Variants in PTPN9 observed in about 807,000 individuals in gnomAD.
The protein encoded by PTPN9 is tyrosine-protein phosphatase non-receptor type 9.
PTPN9 carries 26 observed loss-of-function variants against 69.8 expected under a neutral mutation model. That is an observed-to-expected ratio of 0.37 (90% CI 0.27 to 0.52). The LOEUF is 0.52. PTPN9 is among the 20% of genes least tolerant of loss of function. The pLI, the probability that PTPN9 is intolerant of heterozygous loss-of-function variation, is 0.91. For synonymous variants in PTPN9, 274 were observed against 272.5 expected, an observed-to-expected ratio of 1.01 and a Z score of -0.05; for missense variants, 549 against 740.3, an observed-to-expected ratio of 0.74 and a Z score of 3.00.
At chr15:75,566,805 T>C (rs1004600914) in intron 1 of PTPN9, among the ~76,000 whole-genome samples, 6 of 151,748 alleles carry the variant, frequency 4.0e-5, no homozygotes, top group South Asian at 4.2e-4. Context: ...CTGGGCAACA[T>C]AGTGAGGTCC....
Position 75,485,354 on chromosome 15 carries a change from CTTTTTTTTTTTT to C in PTPN9, c.1062+4842_1062+4853del, listed in dbSNP as rs891447336. Reference sequence around the variant, plus strand: ...CATGCTTTGAAAAGAATTGTCACTTCTTTTTTTTTTTTTTTTTTTTTTTTTGAGACGGAGTCT... The same window carrying C: ...CATGCTTTGAAAAGAATTGTCACTTCTTTTTTTTTTTTTGAGACGGAGTCT... On this transcript the variant is annotated intron_variant, in intron 8 of 12. Coordinates refer to ENST00000618819, the MANE Select transcript of PTPN9 (RefSeq NM_002833.4). Among the ~76,000 whole-genome samples the C allele has an allele frequency of 1.3e-4, 10 of 78,766 alleles. No homozygotes were observed. The South Asian group carries it at 3.4e-3, about 27-fold the overall frequency. 51.7% of individuals were successfully genotyped at this position (78,766 alleles called of 152,430 possible).
chr15:75,544,089 A>C (rs1305813477), intron 1 of PTPN9, among the ~76,000 whole-genome samples: 2 of 152,234 alleles, frequency 1.3e-5, no homozygotes, highest in Non-Finnish European at 2.9e-5. Flanking sequence ...AGGATGAAGA[A>C]TTCCCAGAGA....
At chr15:75,508,866 A>T in intron 6 of PTPN9, 51 bp downstream of exon 6, 3 of 1,350,002 alleles carry the variant, frequency 2.2e-6, no homozygotes, top group Non-Finnish European at 3.2e-6. Flanking sequence ...AATTGGCAGG[A>T]ATTCACTGTA....
At chr15:75,537,007 C>A (rs560640294) in intron 1 of PTPN9, among the ~76,000 whole-genome samples, 2 of 152,202 alleles carry the variant, frequency 1.3e-5, no homozygotes, top group East Asian at 3.9e-4. Flanking sequence ...ATTTAGAGGG[C>A]AGACAGAAGA....
At chr15:75,509,111 C>A in intron 5 of PTPN9, 84 bp from the exon 6 acceptor site, 1 of 1,084,744 alleles carries the variant, frequency 9.2e-7, no homozygotes, top group Non-Finnish European at 1.4e-6. Flanking sequence ...CTCTTCTCCC[C>A]ATTCTTACCC....
Position 75,516,892 on chromosome 15 carries a change from G to A in PTPN9, c.528+367C>T, listed in dbSNP as rs564122763. Among the ~76,000 whole-genome samples, 8 of 151,644 alleles carry A rather than the reference G, an allele frequency of 5.3e-5. No homozygotes were observed. The East Asian group carries it at 9.8e-4, about 19-fold the overall frequency. Reference sequence around the variant, plus strand: ...CCCGAGTACCTGGGACTATAGGCACGCGCCACCACACCCAGCTAATTTTTG... The same window carrying A: ...CCCGAGTACCTGGGACTATAGGCACACGCCACCACACCCAGCTAATTTTTG... On this transcript the variant is annotated intron_variant, in intron 5 of 12. Coordinates refer to ENST00000618819, the MANE Select transcript of PTPN9 (RefSeq NM_002833.4).
intron 1 of PTPN9, among the ~76,000 whole-genome samples, chr15:75,542,932 T>C (rs1394079379): frequency 2.0e-5 from 3 of 151,376 alleles, no homozygotes; most frequent in Non-Finnish European, 4.4e-5. Context: ...ATGTGCCATG[T>C]TGATGTGCTG....
At chr15:75,562,410 T>C (rs1241304787) in intron 1 of PTPN9, among the ~76,000 whole-genome samples, 4 of 152,008 alleles carry the variant, frequency 2.6e-5, no homozygotes, top group Non-Finnish European at 4.4e-5. Context: ...ATCTCTGGGG[T>C]GTGTGTGTCA....
At chr15:75,493,747 C>T (rs564857608) in intron 7 of PTPN9, among the ~76,000 whole-genome samples, 3 of 150,980 alleles carry the variant, frequency 2.0e-5, no homozygotes, top group Admixed American at 6.6e-5. Flanking sequence ...GGCAACAGAG[C>T]GAGACTCCGT....
At chr15:75,485,514 G>A (rs1310746775) in intron 8 of PTPN9, among the ~76,000 whole-genome samples, 4 of 150,918 alleles carry the variant, frequency 2.7e-5, no homozygotes, top group East Asian at 2.0e-4. Flanking sequence ...GACTACAGGC[G>A]CCCGCCACCG....
intron 1 of PTPN9, among the ~76,000 whole-genome samples, chr15:75,556,036 CAAAAAAAAAAAA>C (rs75583219): frequency 2.3e-5 from 1 of 43,284 alleles, no homozygotes; most frequent in Non-Finnish European, 4.6e-5. Context: ...ACCCCCGTCT[CAAAAAAAAAAAA>C]AAAAAAAAAA....
chr15:75,486,871 G>T (rs1595949795), intron 8 of PTPN9, among the ~76,000 whole-genome samples: 1 of 140,756 alleles, frequency 7.1e-6, no homozygotes, highest in Non-Finnish European at 1.5e-5. Context: ...TGCAAGCTCC[G>T]CCTCCCAGGT....
At chr15:75,479,730 T>G (rs1325379594) in intron 9 of PTPN9, 118 bp downstream of exon 9, 2 of 799,184 alleles carry the variant, frequency 2.5e-6, no homozygotes, top group African/African-American at 3.6e-5. Context: ...AAGGCCAGGA[T>G]CTAGTGGCCA....
chr15:75,571,271 CA>C (rs1333005359), intron 1 of PTPN9, among the ~76,000 whole-genome samples: 10 of 151,784 alleles, frequency 6.6e-5, no homozygotes, highest in African/African-American at 2.4e-4. Flanking sequence ...AAGAAAAAAA[CA>C]AAAAACAATG....
chr15:75,512,432 A>G (rs1266020045), intron 5 of PTPN9, among the ~76,000 whole-genome samples: 2 of 152,078 alleles, frequency 1.3e-5, no homozygotes, highest in East Asian at 1.9e-4. Context: ...GCCTTAGGCA[A>G]TTCTCCCACC....
intron 1 of PTPN9, among the ~76,000 whole-genome samples, chr15:75,568,573 G>A (rs2075136191): frequency 6.6e-6 from 1 of 150,656 alleles, no homozygotes; most frequent in Non-Finnish European, 1.5e-5. Flanking sequence ...AGTGGCTCAT[G>A]TCTGTAATCC....
intron 7 of PTPN9, among the ~76,000 whole-genome samples, chr15:75,503,321 G>C (rs531829906): frequency 3.5e-5 from 5 of 143,466 alleles, no homozygotes; most frequent in African/African-American, 5.4e-5. Context: ...TCCTCTGCCC[G>C]GTCGCGACCC....
At chr15:75,568,736 C>A (rs1003601272) in intron 1 of PTPN9, among the ~76,000 whole-genome samples, 10 of 151,556 alleles carry the variant, frequency 6.6e-5, no homozygotes, top group Non-Finnish European at 1.2e-4. Flanking sequence ...ACTATAGAGG[C>A]TGAGGAAGGA....
chr15:75,575,310 A>C (rs2075167343), intron 1 of PTPN9, among the ~76,000 whole-genome samples: 1 of 152,102 alleles, frequency 6.6e-6, no homozygotes, highest in African/African-American at 2.4e-5. Context: ...CACAGGCCAA[A>C]AAGGGCCTAA....
Sources: gnomAD v4.1 joint callset for allele counts (sites outside exome capture counted in the v4.1 genomes callset) on GRCh38, gnomAD v4.1.1 for gene constraint, MANE v1.5 for transcripts, NCBI Gene and HGNC (gene_info 2026-07-23, HGNC 2026-07-21) for gene names.